Variants in TJP1 observed in about 807,000 individuals in gnomAD.
TJP1 encodes tight junction protein ZO-1.
A neutral mutation model predicts 194.2 loss-of-function variants in TJP1; 43 were observed. The observed-to-expected ratio is 0.22, with a 90% CI of 0.17 to 0.29. The LOEUF (loss-of-function observed/expected upper bound fraction) is 0.29. Among genes scored for constraint, TJP1 ranks in the 10% least tolerant of loss-of-function variants. The probability of loss-of-function intolerance (pLI) is 1.00; values close to 1 mark genes in which losing one functional copy is unlikely to be tolerated. For synonymous variants in TJP1, 801 were observed against 779.0 expected (o/e 1.03, Z -0.47); for missense variants, 1,971 against 2,185.7 (o/e 0.90, Z 1.96).
chr15:29,846,283 G>A (rs1221525534), intron 2 of TJP1, among the ~76,000 whole-genome samples: 2 of 152,038 alleles, frequency 1.3e-5, no homozygotes, highest in Non-Finnish European at 2.9e-5. Flanking sequence ...CATTCACTGC[G>A]ATAGCCCCAG....
At chr15:29,754,365 C>T (rs753547850) in intron 8 of TJP1, among the ~76,000 whole-genome samples, 3 of 151,990 alleles carry the variant, frequency 2.0e-5, no homozygotes, top group Admixed American at 6.6e-5. Flanking sequence ...CTGGGGTCTA[C>T]TTGAGGGGGG....
At chr15:29,879,659 T>C (rs2052853028) in intron 2 of TJP1, among the ~76,000 whole-genome samples, 1 of 152,298 alleles carries the variant, frequency 6.6e-6, no homozygotes, top group African/African-American at 2.4e-5. Context: ...ACCATAGTGA[T>C]GGAATTGTGA....
chr15:29,752,323 G>C (rs894329190), intron 8 of TJP1, among the ~76,000 whole-genome samples: 2 of 152,120 alleles, frequency 1.3e-5, no homozygotes, highest in Non-Finnish European at 1.5e-5. Context: ...GGCTGGTCTT[G>C]AACTCCTGAC....
At chr15:29,844,856 G>A (rs911578611) in intron 2 of TJP1, among the ~76,000 whole-genome samples, 9 of 152,176 alleles carry the variant, frequency 5.9e-5, no homozygotes, top group African/African-American at 1.7e-4. Context: ...ATGAGGAGGG[G>A]CTAGCTCACA....
intron 2 of TJP1, among the ~76,000 whole-genome samples, chr15:29,873,842 T>A (rs1354811364): frequency 6.6e-6 from 1 of 152,140 alleles, no homozygotes; most frequent in East Asian, 1.9e-4. Flanking sequence ...TCTCTCCAAA[T>A]CTAGAAATCC....
intron 8 of TJP1, among the ~76,000 whole-genome samples, chr15:29,755,376 AAAACTCCTAATAT>A: frequency 6.6e-6 from 1 of 152,256 alleles, no homozygotes; most frequent in East Asian, 1.9e-4. Flanking sequence ...GCACTCTTGG[AAAACTCCTAATAT>A]GGAGTGGATT....
At chr15:29,968,811 C>A (rs1414121983) in exon 1 of TJP1, 2 of 1,140,524 alleles carry the variant, frequency 1.8e-6, no homozygotes, top group Non-Finnish European at 2.3e-6. Flanking sequence ...CCGCCGCCGC[C>A]GCAGACACAG....
chr15:29,787,030 T>G (rs1360090011), intron 2 of TJP1, among the ~76,000 whole-genome samples: 1 of 152,002 alleles, frequency 6.6e-6, no homozygotes, highest in Non-Finnish European at 1.5e-5. Context: ...ATAAAGGGAG[T>G]GTATCTTAGA....
intron 2 of TJP1, among the ~76,000 whole-genome samples, chr15:29,790,076 G>C (rs2047972234): frequency 6.6e-6 from 1 of 152,186 alleles, no homozygotes; most frequent in African/African-American, 2.4e-5. Context: ...CCCACAGTTG[G>C]AATACAGCCA....
chr15:29,870,783 G>A (rs1056391584), intron 2 of TJP1, among the ~76,000 whole-genome samples: 9 of 152,316 alleles, frequency 5.9e-5, no homozygotes, highest in Middle Eastern at 3.4e-3. Context: ...AGCCTGCTGC[G>A]AAACAGCAGC....
intron 8 of TJP1, among the ~76,000 whole-genome samples, chr15:29,760,542 A>G (rs1405464154): frequency 6.6e-6 from 1 of 151,912 alleles, no homozygotes; most frequent in Non-Finnish European, 1.5e-5. Flanking sequence ...CTACCTGGCT[A>G]ATTTTTGTAT....
chr15:29,898,525 T>C (rs2152188653), intron 2 of TJP1, among the ~76,000 whole-genome samples: 1 of 152,362 alleles, frequency 6.6e-6, no homozygotes, highest in African/African-American at 2.4e-5. Flanking sequence ...TCATCAATAG[T>C]TATATTTAGT....
chr15:29,843,539 C>T (rs1448064352), intron 2 of TJP1, among the ~76,000 whole-genome samples: 2 of 152,124 alleles, frequency 1.3e-5, no homozygotes, highest in Non-Finnish European at 2.9e-5. Context: ...AGCAACCATT[C>T]CTAAGATGAA....
chr15:29,748,564 CTTTTTTTTTTTTTTTT>C (rs61364565), intron 8 of TJP1, among the ~76,000 whole-genome samples: 1 of 73,356 alleles, frequency 1.4e-5, no homozygotes, highest in African/African-American at 5.4e-5. Context: ...CTTCCTAATT[CTTTTTTTTTTTTTTTT>C]TTTTTTTTTT....
intron 2 of TJP1, among the ~76,000 whole-genome samples, chr15:29,941,036 T>C (rs940370971): frequency 1.6e-4 from 24 of 152,212 alleles, no homozygotes; most frequent in East Asian, 1.9e-4. Context: ...TCTGGAGATT[T>C]TGAAGCACTG....
intron 8 of TJP1, among the ~76,000 whole-genome samples, chr15:29,752,333 C>A (rs1353835926): frequency 2.6e-5 from 4 of 152,158 alleles, no homozygotes; most frequent in Non-Finnish European, 5.9e-5. Context: ...GAACTCCTGA[C>A]CTCAAGTGAT....
chr15:29,843,200 T>G (rs1193740381), intron 2 of TJP1, among the ~76,000 whole-genome samples: 1 of 125,918 alleles, frequency 7.9e-6, no homozygotes, highest in East Asian at 2.4e-4. Context: ...TTTTTTTTCT[T>G]TTTTTGAGAC....
intron 2 of TJP1, among the ~76,000 whole-genome samples, chr15:29,947,145 GTC>G (rs2055314074): frequency 6.6e-6 from 1 of 152,094 alleles, no homozygotes. Flanking sequence ...TATTAATAAA[GTC>G]TCACTTCATG....
chr15:29,760,093 A>C (rs995127926), intron 8 of TJP1: 3 of 607,318 alleles, frequency 4.9e-6, no homozygotes, highest in Non-Finnish European at 8.8e-6. Context: ...ACAACGTATA[A>C]GGGTTCCCTT....
Sources: gnomAD v4.1 joint callset for allele counts (sites outside exome capture counted in the v4.1 genomes callset) on GRCh38, gnomAD v4.1.1 for gene constraint, MANE v1.5 for transcripts, NCBI Gene and HGNC (gene_info 2026-07-23, HGNC 2026-07-21) for gene names.